DROSHA: variants seen among roughly 807,000 people sequenced by gnomAD.
The protein encoded by DROSHA is ribonuclease 3.
Under a neutral mutation model 181.9 loss-of-function variants are expected in DROSHA, and 56 were observed. The ratio of observed to expected loss-of-function variants is 0.31; its 90% CI spans 0.25 to 0.38. DROSHA has a LOEUF of 0.38. Among genes scored for constraint, DROSHA ranks in the 10% least tolerant of loss-of-function variants. The pLI is 1.00. For synonymous variants in DROSHA, 524 were observed against 591.2 expected (o/e 0.89, Z 1.65); for missense variants, 1,218 against 1,743.5 (o/e 0.70, Z 5.37).
intron 30 of DROSHA, 38 bp from the exon 31 acceptor site, chr5:31,410,925 T>C (rs1422973866): frequency 6.2e-7 from 1 of 1,611,546 alleles, no homozygotes; most frequent in African/African-American, 1.3e-5. Flanking sequence ...AGAACACATT[T>C]CACTTTTGAC....
Position 31,515,217 on chromosome 5 carries a change from C to T in DROSHA, c.1061G>A (p.Arg354His), listed in dbSNP as rs187981384. 29 of 1,608,376 alleles carry T rather than the reference C, an allele frequency of 1.8e-5. No homozygotes were observed. The Admixed American group carries it at 2.0e-4, about 11-fold the overall frequency. ...WAPPLEIVNH[R>H]SPSREKKRAR... The stretch of plus-strand genomic sequence containing the variant: ...TCTCTTCTTCTCCCTACTTGGGGAG[C>T]GACTTCAAAAGAGGGCAAAGGAGGT... Residue 354 changes from arginine to histidine, a missense_variant and splice_region_variant, in exon 8 of 36, where the codon CGC (arginine) becomes CAC (histidine). Physicochemically the swap from Arg to His is conservative, Grantham distance 29. Coordinates refer to ENST00000344624, the MANE Select transcript of DROSHA (RefSeq NM_001382508.1).
At chr5:31,465,738 G>A (rs1422146987) in intron 19 of DROSHA, among the ~76,000 whole-genome samples, 1 of 104,712 alleles carries the variant, frequency 9.6e-6, no homozygotes, top group Non-Finnish European at 2.7e-5. Flanking sequence ...AGATCTGCTT[G>A]TTAAAGAGAG....
intron 11 of DROSHA, among the ~76,000 whole-genome samples, chr5:31,500,853 A>G (rs1753505121): frequency 6.6e-6 from 1 of 152,252 alleles, no homozygotes; most frequent in African/African-American, 2.4e-5. Flanking sequence ...AATAGTTAAT[A>G]GAACATGGTG....
At chr5:31,451,675 T>A (rs774176467) in intron 20 of DROSHA, 35 bp from the exon 21 acceptor site, 25 of 1,472,406 alleles carry the variant, frequency 1.7e-5, no homozygotes, top group Non-Finnish European at 2.3e-5. Flanking sequence ...TTTAACTTTA[T>A]AAAAACTTAT....
Position 31,495,352 on chromosome 5 carries a change from A to G in DROSHA, c.1689T>C (p.Pro563=). ...PGEEAIKPCR[P]MTNNAGRLFH... The stretch of plus-strand genomic sequence containing the variant: ...AAAGTCTGCCAGCATTGTTGGTCAT[A>G]GGACGACAGGGCTTGATGGCCTGAG... Residue 563 remains proline, a synonymous_variant, in exon 12 of 36, where the codon CCT becomes CCC. Transcript: ENST00000344624. The G allele has an allele frequency of 6.2e-7, 1 of 1,613,872 alleles. No individual in the cohort carries two copies. Among genetic ancestry groups the G allele is most frequent in the East Asian group, 2.2e-5 (1 of 44,878 alleles).
chr5:31,427,115 C>G (rs548127523), intron 27 of DROSHA, among the ~76,000 whole-genome samples: 60 of 152,202 alleles, frequency 3.9e-4, no homozygotes, highest in African/African-American at 1.1e-3. Context: ...CTGTGAAACA[C>G]CTGTGAGGTG....
At chr5:31,407,723 G>A (rs1740817342) in intron 33 of DROSHA, among the ~76,000 whole-genome samples, 1 of 152,228 alleles carries the variant, frequency 6.6e-6, no homozygotes, top group Non-Finnish European at 1.5e-5. Flanking sequence ...TTTATGAGAA[G>A]GGAGCATAGC....
intron 10 of DROSHA, among the ~76,000 whole-genome samples, chr5:31,508,242 A>G (rs1314869125): frequency 6.6e-6 from 1 of 152,226 alleles, no homozygotes; most frequent in Non-Finnish European, 1.5e-5. Context: ...CAACTAAAAA[A>G]AAGAAATCTT....
chr5:31,477,883 A>G (rs564653585), intron 16 of DROSHA, among the ~76,000 whole-genome samples: 2 of 152,352 alleles, frequency 1.3e-5, no homozygotes, highest in South Asian at 2.1e-4. Context: ...TGATTGCTCT[A>G]TGATTTGGTT....
rs13185590 is a variant in DROSHA, at chr5:31,476,334, C to T, written c.2072-4102G>A. ...AAGCCGAGACTGTGCCACTGCACTC[C>T]AGCCTGAGTGACAGGGTGAGACTCT... On this transcript the variant is annotated intron_variant, in intron 16 of 35. Coordinates refer to ENST00000344624, the MANE Select transcript of DROSHA (RefSeq NM_001382508.1). 6.0e-3 allele frequency among the ~76,000 whole-genome samples: 918 copies of T among 152,266 alleles called. 8 individuals are homozygous for T. Among genetic ancestry groups the T allele is most frequent in the African/African-American group, 0.021 (880 of 41,550 alleles).
intron 34 of DROSHA, 71 bp from the exon 35 acceptor site, chr5:31,405,794 A>G (rs1399277659): frequency 9.4e-7 from 1 of 1,063,762 alleles, no homozygotes; most frequent in South Asian, 1.6e-5. Flanking sequence ...TTTTTTTTCA[A>G]AAAATGCAAG....
rs184067747 is a variant in DROSHA at position 31,529,027 on chromosome 5, T to C, written c.20+13A>G. 1.4e-4 allele frequency: 219 copies of C among 1,613,158 alleles called. No individual in the cohort carries two copies. Among genetic ancestry groups the C allele is most frequent in the Non-Finnish European group, 1.8e-4 (212 of 1,179,650 alleles). On this transcript the variant is annotated intron_variant, in intron 4 of 35. Transcript: ENST00000344624. ...TTCTCCCAAACTATTGCCATTCCCATCACGGCACTCACCATGTGTTTCCCT... is the reference window on the plus strand; with the variant it reads ...TTCTCCCAAACTATTGCCATTCCCACCACGGCACTCACCATGTGTTTCCCT...
rs1239155602 is a variant in DROSHA, at chr5:31,514,147, C to T, written c.1290+841G>A. On this transcript the variant is annotated intron_variant, in intron 8 of 35. Transcript: ENST00000344624. The surrounding 1 kb of genome is among the most constrained non-coding windows in gnomAD (Gnocchi z 4.4). ...ACTAGCCAATATGCATGGGCAACTTCGTAGGGTTGGTGCTCTTTTGGTCAA... is the reference window on the plus strand; with the variant it reads ...ACTAGCCAATATGCATGGGCAACTTTGTAGGGTTGGTGCTCTTTTGGTCAA... 2.0e-5 allele frequency among the ~76,000 whole-genome samples: 3 copies of T among 151,966 alleles called. No individual in the cohort carries two copies. The highest frequency in any genetic ancestry group is 2.1e-4 in the South Asian group (1 of 4,816).
chr5:31,493,419 TTTATA>T lies in DROSHA; in HGVS notation c.1756-131_1756-127del, dbSNP rs200002297. On this transcript the variant is annotated intron_variant, in intron 12 of 35. Coordinates refer to ENST00000344624, the MANE Select transcript of DROSHA (RefSeq NM_001382508.1). ...CTTCCTTTCAGACACCAGGGAGAAC[TTTATA>T]CAAAGTTTAATTTTACATGAAATTA... 18,178 of 736,470 alleles carry T rather than the reference TTTATA, an allele frequency of 0.025. 1,417 individuals carry two copies. The East Asian group carries it at 0.26, about 11-fold the overall frequency. The allele number at this position is 736,470 out of a possible 1,614,324, so 45.6% of individuals were successfully genotyped here.
chr5:31,478,468 G>A (rs1750657934), intron 16 of DROSHA, among the ~76,000 whole-genome samples: 1 of 152,226 alleles, frequency 6.6e-6, no homozygotes, highest in Non-Finnish European at 1.5e-5. Context: ...CAGGTGTGAT[G>A]GCTCACGCCT....
intron 23 of DROSHA, among the ~76,000 whole-genome samples, chr5:31,442,920 G>A (rs749144676): frequency 2.4e-4 from 37 of 151,944 alleles, no homozygotes; most frequent in Middle Eastern, 6.8e-3. Context: ...TAGGGTGATG[G>A]AATTTACATA....
chr5:31,464,179 A>C (rs1748751428), intron 20 of DROSHA, 57 bp downstream of exon 20: 2 of 1,482,670 alleles, frequency 1.3e-6, no homozygotes, highest in South Asian at 2.4e-5. Flanking sequence ...TCAGTACCAG[A>C]TTTGTTTTAA....
rs541847142 is a variant in DROSHA, at chr5:31,518,752, G to A, written c.947+2371C>T. Among the ~76,000 whole-genome samples the A allele has an allele frequency of 1.3e-4, 20 of 152,268 alleles. 1 individual carries two copies. The Middle Eastern group carries it at 0.01, about 78-fold the overall frequency. On this transcript the variant is annotated intron_variant, in intron 6 of 35. Coordinates refer to ENST00000344624, the MANE Select transcript of DROSHA (RefSeq NM_001382508.1). ...TGAAAATCAGTCACTTGCCTAATACGATAAAGCTAAAAGTGGTAGTTAAAT... is the reference window on the plus strand; with the variant it reads ...TGAAAATCAGTCACTTGCCTAATACAATAAAGCTAAAAGTGGTAGTTAAAT...
chr5:31,489,330 C>T (rs1440879927), intron 13 of DROSHA, among the ~76,000 whole-genome samples: 2 of 152,206 alleles, frequency 1.3e-5, no homozygotes, highest in African/African-American at 2.4e-5. Flanking sequence ...TTCTCCATTT[C>T]ATTTTAAGTA....
Sources: gnomAD v4.1 joint callset for allele counts (sites outside exome capture counted in the v4.1 genomes callset) on GRCh38, gnomAD v4.1.1 for gene constraint, Gnocchi (gnomAD v3.1) non-coding constraint, MANE v1.5 for transcripts, NCBI Gene and HGNC (gene_info 2026-07-23, HGNC 2026-07-21) for gene names.